The following RRH variants were observed in gnomAD, a reference collection of about 807,000 sequenced individuals.
RRH encodes visual pigment-like receptor peropsin.
A neutral mutation model predicts 33.1 loss-of-function variants in RRH; 36 were observed. The ratio of observed to expected loss-of-function variants is 1.09; its 90% confidence interval spans 0.83 to 1.44. The LOEUF (loss-of-function observed/expected upper bound fraction) is 1.44, where lower values mean the gene tolerates loss of function less well. Among genes scored for constraint, RRH ranks in the 40% most tolerant of loss-of-function variants. The probability of loss-of-function intolerance (pLI) is 0.00; values close to 1 mark genes in which losing one functional copy is unlikely to be tolerated. For synonymous variants in RRH, 124 were observed against 140.2 expected, an observed-to-expected ratio of 0.88 and a Z score of 0.82; for missense variants, 393 against 420.2, an observed-to-expected ratio of 0.94 and a Z score of 0.57.
Position 109,828,003 on chromosome 4 carries a change from G to GGT in RRH, c.-22_-21dup, listed in dbSNP as rs767309110. ...TAATTATCGAAGGCTTATTATGAAG[G>GGT]GTGTTTCGGTATCTTCCCTCCAAAA... On this transcript the variant is annotated 5_prime_UTR_variant, in exon 1 of 7. Transcript: ENST00000317735. 5 of 1,389,858 alleles carry GGT rather than the reference G, an allele frequency of 3.6e-6. No individual in the cohort carries two copies. In the East Asian group the frequency reaches 1.1e-4, roughly 32 times the overall value. The allele number at this position is 1,389,858 out of a possible 1,614,324, so 86.1% of individuals were successfully genotyped here.
At chr4:109,831,464 G>T (rs1733749169) in intron 1 of RRH, among the ~76,000 whole-genome samples, 1 of 152,092 alleles carries the variant, frequency 6.6e-6, no homozygotes, top group Non-Finnish European at 1.5e-5. Flanking sequence ...CACATGAAAA[G>T]ACAAGGAAAA....
At chr4:109,832,496 G>GT (rs1491542836) in intron 1 of RRH, among the ~76,000 whole-genome samples, 1 of 800 alleles carries the variant, frequency 1.3e-3, no homozygotes, top group Non-Finnish European at 6.7e-3. Flanking sequence ...TATTGGGGTA[G>GT]TGTGTGTGTG....
rs1202097503 is a variant in RRH at position 109,844,768 on chromosome 4, T to C, written c.*571T>C. ...GACCCCTGTGCATATTTTGATGTTT[T>C]CTGCAATTTTGAGTACCATTTTTCT... is the stretch of plus-strand genomic sequence containing the variant. On this transcript the variant is annotated 3_prime_UTR_variant, in exon 7 of 7. Transcript: ENST00000317735. Among the ~76,000 whole-genome samples the C allele has an allele frequency of 1.1e-4, 17 of 152,224 alleles. No homozygotes were observed. The highest frequency in any genetic ancestry group is 1.1e-3 in the Admixed American group (17 of 15,282).
In RRH at chr4:109,837,958, T is replaced by C. The variant is rs78182708; in HGVS notation, c.720+353T>C. Among the ~76,000 whole-genome samples, 1,639 of 152,262 alleles carry C rather than the reference T, an allele frequency of 0.011. 80 individuals carry two copies. The East Asian group carries it at 0.12, about 11-fold the overall frequency. ...ACTTGGCTAATTTTTTTTGTATTTT[T>C]AGTAGAGATGGGGTTTCACCATGTT... On this transcript the variant is annotated intron_variant, in intron 5 of 6. Coordinates refer to ENST00000317735, the MANE Select transcript of RRH (RefSeq NM_006583.5).
chr4:109,840,905 G>A (rs1419814942), intron 5 of RRH, among the ~76,000 whole-genome samples: 1 of 151,582 alleles, frequency 6.6e-6, no homozygotes, highest in African/African-American at 2.4e-5. Flanking sequence ...AATTGTCTCT[G>A]TAGTTATTAT....
intron 3 of RRH, among the ~76,000 whole-genome samples, 154 bp from the exon 4 acceptor site, chr4:109,835,853 C>T (rs190245739): frequency 6.6e-6 from 1 of 151,892 alleles, no homozygotes; most frequent in South Asian, 2.1e-4. Context: ...ATTTGTGTTA[C>T]TTTTATTAGG....
rs1733800635 is a variant in RRH, at chr4:109,833,297, G to C, written c.265G>C (p.Gly89Arg). ...YPMSAASDLY[G>R]SWKFGYAGCQ... ...CATGTCTGCTGCCTCAGATCTGTAT[G>C]GAAGTTGGAAATTTGGATACGCAGG... Residue 89 changes from glycine (G) to arginine (R), a missense_variant, in exon 2 of 7, where the codon GGA becomes CGA. Physicochemically the swap from Gly to Arg is moderately radical, Grantham distance 125 (BLOSUM62 -2). Coordinates refer to ENST00000317735, the MANE Select transcript of RRH (RefSeq NM_006583.5). 2 of 1,614,044 alleles carry C rather than the reference G, an allele frequency of 1.2e-6. No individual in the cohort carries two copies. Among genetic ancestry groups the C allele is most frequent in the East Asian group, 2.2e-5 (1 of 44,864 alleles).
chr4:109,832,349 C>T (rs1247741192), intron 1 of RRH, among the ~76,000 whole-genome samples: 2 of 151,118 alleles, frequency 1.3e-5, no homozygotes, highest in Non-Finnish European at 2.9e-5. Context: ...ATCTGGGGCA[C>T]TGACAACACT....
rs145630624 is a variant in RRH, at chr4:109,842,569, C to T, written c.821C>T (p.Pro274Leu). The change falls in exon 6 of 7, where the codon CCC becomes CTC. Residue 274 changes from proline (P) to leucine (L), a missense_variant. Coordinates refer to ENST00000317735, the MANE Select transcript of RRH (RefSeq NM_006583.5). Reference sequence around the variant, plus strand: ...GGTGACCCAAAGAAGATTCCTCCCCCCATGGCCATCATAGCTCCACTGTTT... The same window carrying T: ...GGTGACCCAAAGAAGATTCCTCCCCTCATGGCCATCATAGCTCCACTGTTT... ...SFGDPKKIPP[P>L]MAIIAPLFAK... 4.3e-6 allele frequency: 7 copies of T among 1,614,034 alleles called. No homozygotes were observed. Among genetic ancestry groups the T allele is most frequent in the South Asian group, 1.1e-5 (1 of 91,072 alleles).
intron 2 of RRH, among the ~76,000 whole-genome samples, chr4:109,834,070 C>T (rs1733824481): frequency 6.6e-6 from 1 of 152,110 alleles, no homozygotes; most frequent in Admixed American, 6.5e-5. Flanking sequence ...GTTTTTCTCT[C>T]TAATATATGT....
intron 6 of RRH, among the ~76,000 whole-genome samples, chr4:109,843,102 A>G (rs1734013911): frequency 1.3e-5 from 2 of 152,264 alleles, no homozygotes; most frequent in Admixed American, 1.3e-4. Context: ...GAAATAAGAC[A>G]TATCATTCAA....
intron 5 of RRH, among the ~76,000 whole-genome samples, chr4:109,841,727 A>G (rs1172460897): frequency 6.6e-6 from 1 of 152,102 alleles, no homozygotes; most frequent in Non-Finnish European, 1.5e-5. Context: ...ATAATTTGCC[A>G]CTTATCCAAT....
rs1733672182 is a variant in RRH, at chr4:109,828,080, CG to C, written c.55del (p.Val19SerfsTer14). On this transcript the variant is annotated frameshift_variant, in exon 1 of 7. Transcript: ENST00000317735. LOFTEE classifies it high-confidence loss of function. Reference sequence around the variant, plus strand: ...TCAGACTCTAAAAATGAAGATGGCTCGGTCTTTTCACAGACTGAACACAATA... The same window carrying C: ...TCAGACTCTAAAAATGAAGATGGCTCGTCTTTTCACAGACTGAACACAATA... ...NSSDSKNEDG[S>X]VFSQTEHNIV... is the part of the protein sequence containing the mutation. 1 of 1,612,654 alleles carries C rather than the reference CG, an allele frequency of 6.2e-7. No individual in the cohort carries two copies. The highest frequency in any genetic ancestry group is 8.5e-7 in the Non-Finnish European group (1 of 1,178,984).
intron 6 of RRH, 43 bp from the exon 7 acceptor site, chr4:109,844,040 A>G (rs1349905182): frequency 5.4e-6 from 7 of 1,299,634 alleles, no homozygotes; most frequent in Non-Finnish European, 7.8e-6. Context: ...AGAAGTTCCA[A>G]ATCATTATGG....
intron 5 of RRH, among the ~76,000 whole-genome samples, chr4:109,838,920 T>C (rs1357318556): frequency 6.6e-6 from 1 of 152,156 alleles, no homozygotes; most frequent in Non-Finnish European, 1.5e-5. Context: ...GAGACTCCAG[T>C]CTTCCTCTTC....
chr4:109,840,778 T>C (rs1372712483), intron 5 of RRH, among the ~76,000 whole-genome samples: 1 of 152,022 alleles, frequency 6.6e-6, no homozygotes, highest in Non-Finnish European at 1.5e-5. Context: ...TGTAAAAGTT[T>C]TCTTAATGTC....
intron 3 of RRH, 85 bp downstream of exon 3, chr4:109,835,550 T>G: frequency 1.0e-6 from 1 of 965,670 alleles, no homozygotes; most frequent in Non-Finnish European, 1.7e-6. Flanking sequence ...AATATAAACC[T>G]AATGGTTTGT....
chr4:109,829,944 C>T (rs565706531), intron 1 of RRH, among the ~76,000 whole-genome samples: 9 of 152,170 alleles, frequency 5.9e-5, no homozygotes, highest in Non-Finnish European at 1.2e-4. Flanking sequence ...TAACAAAACT[C>T]ACTTAAAGTT....
chr4:109,841,144 A>G (rs1733974877), intron 5 of RRH, among the ~76,000 whole-genome samples: 1 of 152,102 alleles, frequency 6.6e-6, no homozygotes, highest in East Asian at 1.9e-4. Flanking sequence ...GAAAAATTAT[A>G]TTTTTCATGT....
Sources: gnomAD v4.1 joint callset for allele counts (sites outside exome capture counted in the v4.1 genomes callset) on GRCh38, gnomAD v4.1.1 for gene constraint, MANE v1.5 for transcripts, NCBI Gene and HGNC (gene_info 2026-07-23, HGNC 2026-07-21) for gene names.